The following MB21D2 variants were observed in gnomAD, a reference collection of about 807,000 sequenced individuals.
MB21D2 encodes nucleotidyltransferase MB21D2.
Under a neutral mutation model 33.3 loss-of-function variants are expected in MB21D2, and 9 were observed. The observed-to-expected ratio is 0.27, with a 90% CI of 0.16 to 0.47. The LOEUF (loss-of-function observed/expected upper bound fraction) is 0.47. Among genes scored for constraint, MB21D2 ranks in the 20% least tolerant of loss-of-function variants. The probability of loss-of-function intolerance (pLI) is 0.99; values close to 1 mark genes in which losing one functional copy is unlikely to be tolerated. For missense variants in MB21D2, 540 were observed against 624.6 expected (o/e 0.86, Z 1.44); for synonymous variants, 241 against 236.3 (o/e 1.02, Z -0.18).
At chr3:192,837,395 C>T (rs1256286677) in intron 1 of MB21D2, among the ~76,000 whole-genome samples, 1 of 152,188 alleles carries the variant, frequency 6.6e-6, no homozygotes, top group Non-Finnish European at 1.5e-5. Context: ...CACTCAAGGC[C>T]TGAACAGGCC....
intron 1 of MB21D2, among the ~76,000 whole-genome samples, chr3:192,901,554 A>AC (rs11383025): frequency 0.53 from 79,987 of 151,518 alleles, 21,273 homozygotes; most frequent in Non-Finnish European, 0.54. Flanking sequence ...CACCCCAACA[A>AC]CAATTGTATC....
chr3:192,819,306 G>A (rs542246531), intron 1 of MB21D2, among the ~76,000 whole-genome samples: 3 of 152,308 alleles, frequency 2.0e-5, no homozygotes, highest in Admixed American at 6.5e-5. Context: ...TGGTGAAGGG[G>A]TTTGCCCACG....
chr3:192,821,664 T>C (rs972613324), intron 1 of MB21D2, among the ~76,000 whole-genome samples: 1 of 152,220 alleles, frequency 6.6e-6, no homozygotes, highest in African/African-American at 2.4e-5. Flanking sequence ...TAACATTTAC[T>C]CTTTGGTTTA....
intron 1 of MB21D2, among the ~76,000 whole-genome samples, chr3:192,823,246 G>T (rs948729575): frequency 2.0e-5 from 3 of 152,172 alleles, no homozygotes; most frequent in African/African-American, 7.2e-5. Context: ...TTTAATTCAT[G>T]TCATACAAAA....
chr3:192,887,720 T>C (rs1461458890), intron 1 of MB21D2, among the ~76,000 whole-genome samples: 1 of 152,124 alleles, frequency 6.6e-6, no homozygotes, highest in Non-Finnish European at 1.5e-5. Context: ...TACTAACAGG[T>C]TGCTTTGCTC....
chr3:192,833,616 T>A (rs2108621777), intron 1 of MB21D2, among the ~76,000 whole-genome samples: 1 of 152,254 alleles, frequency 6.6e-6, no homozygotes, highest in East Asian at 1.9e-4. Context: ...AAAAATAGAT[T>A]CTATGCTTTT....
In MB21D2 at chr3:192,908,589, AT is replaced by A. The variant is rs914723478; in HGVS notation, c.211+9040del. 4.4e-4 allele frequency among the ~76,000 whole-genome samples: 64 copies of A among 146,428 alleles called. 1 individual carries two copies. The highest frequency in any genetic ancestry group is 6.8e-4 in the Admixed American group (10 of 14,658). On this transcript the variant is annotated intron_variant, in intron 1 of 1. Coordinates refer to ENST00000392452, the MANE Select transcript of MB21D2 (RefSeq NM_178496.4). ...CCACCACGCCCAGCTAATGTTTCGT[AT>A]TTTTTTTTTAGTAGAGACGAGGTTT...
intron 1 of MB21D2, among the ~76,000 whole-genome samples, chr3:192,907,719 A>G (rs1166811809): frequency 1.3e-5 from 2 of 152,234 alleles, no homozygotes; most frequent in African/African-American, 4.8e-5. Flanking sequence ...TTGATCGCAA[A>G]TAACAGTAGT....
In MB21D2 at chr3:192,813,950, T is replaced by C. The variant is rs181045120; in HGVS notation, c.212-14300A>G. On this transcript the variant is annotated intron_variant, in intron 1 of 1. Transcript: ENST00000392452. The stretch of plus-strand genomic sequence containing the variant: ...ATAAACACACATCTTTGATGAAAAA[T>C]AACTTGTCTTTAAGTGTCAATAACC... Among the ~76,000 whole-genome samples, 4 of 152,318 alleles carry C rather than the reference T, an allele frequency of 2.6e-5. No homozygotes were observed. The East Asian group carries it at 7.7e-4, about 29-fold the overall frequency.
At chr3:192,894,449 T>C (rs1292171452) in intron 1 of MB21D2, among the ~76,000 whole-genome samples, 2 of 152,146 alleles carry the variant, frequency 1.3e-5, no homozygotes, top group African/African-American at 4.8e-5. Flanking sequence ...GAGTAGAACG[T>C]GGTTTCCGCA....
At chr3:192,823,026 G>A (rs537051814) in intron 1 of MB21D2, among the ~76,000 whole-genome samples, 3 of 152,138 alleles carry the variant, frequency 2.0e-5, no homozygotes, top group African/African-American at 4.8e-5. Flanking sequence ...TCTACTAAAC[G>A]GATATGATAA....
intron 1 of MB21D2, among the ~76,000 whole-genome samples, chr3:192,907,759 C>A (rs79935582): frequency 3.9e-5 from 6 of 152,162 alleles, no homozygotes; most frequent in Non-Finnish European, 7.4e-5. Flanking sequence ...CTACGACTTG[C>A]GTTCCAGATT....
intron 1 of MB21D2, among the ~76,000 whole-genome samples, chr3:192,827,084 G>A (rs1005692106): frequency 2.0e-5 from 3 of 151,970 alleles, no homozygotes; most frequent in East Asian, 1.9e-4. Context: ...TTTTAGTAGA[G>A]ACGGGGTTTC....
chr3:192,911,820 C>A (rs1398435486), intron 1 of MB21D2, among the ~76,000 whole-genome samples: 1 of 152,102 alleles, frequency 6.6e-6, no homozygotes, highest in South Asian at 2.1e-4. Context: ...TTGGAGAGAT[C>A]CCCTGCCCTG....
At chr3:192,903,840 C>A (rs188919676) in intron 1 of MB21D2, among the ~76,000 whole-genome samples, 35 of 152,308 alleles carry the variant, frequency 2.3e-4, no homozygotes, top group African/African-American at 7.7e-4. Flanking sequence ...CCTTTTCCCC[C>A]ACTTTTGCTT....
intron 1 of MB21D2, among the ~76,000 whole-genome samples, chr3:192,892,209 T>A (rs1182303311): frequency 1.3e-5 from 2 of 152,204 alleles, no homozygotes; most frequent in Admixed American, 1.3e-4. Flanking sequence ...GCAGGGTCCA[T>A]CTTCAGCTCC....
At chr3:192,832,921 A>G (rs2367126) in intron 1 of MB21D2, among the ~76,000 whole-genome samples, 10,541 of 152,246 alleles carry the variant, frequency 0.069, 1,218 homozygotes, top group African/African-American at 0.24. Flanking sequence ...TCTTTTATCT[A>G]AAATTTATGC....
chr3:192,814,861 T>C (rs6769481), intron 1 of MB21D2, among the ~76,000 whole-genome samples: 46 of 88,410 alleles, frequency 5.2e-4, no homozygotes, highest in African/African-American at 3.0e-3. Context: ...CGAGACTCCA[T>C]CCCAAAAAAA....
chr3:192,874,547 T>C (rs928722477), intron 1 of MB21D2, among the ~76,000 whole-genome samples: 1 of 152,222 alleles, frequency 6.6e-6, no homozygotes, highest in South Asian at 2.1e-4. Context: ...TTATCCTGTA[T>C]GTATAGTTGC....
Sources: allele counts gnomAD v4.1 joint callset (sites outside exome capture counted in the v4.1 genomes callset), GRCh38; gene constraint gnomAD v4.1.1; transcripts MANE v1.5; gene names NCBI Gene and HGNC (gene_info 2026-07-23, HGNC 2026-07-21).